The following ZNF562 variants were observed in gnomAD, a reference collection of about 807,000 sequenced individuals.
The protein encoded by ZNF562 is zinc finger protein 562.
In ZNF562, 13 loss-of-function variants were observed where a neutral mutation model predicts 17.5. The observed-to-expected ratio is 0.74, with a 90% CI of 0.48 to 1.18. The LOEUF is 1.18. Among genes scored for constraint, ZNF562 ranks in the 50% most tolerant of loss-of-function variants. ZNF562 has a pLI of 0.00. For synonymous variants in ZNF562, 163 were observed against 165.4 expected, an observed-to-expected ratio of 0.99 and a Z score of 0.11; for missense variants, 481 against 498.5, an observed-to-expected ratio of 0.96 and a Z score of 0.33.
chr19:9,674,330 AG>A (rs764195623), intron 1 of ZNF562, among the ~76,000 whole-genome samples: 3 of 152,176 alleles, frequency 2.0e-5, no homozygotes, highest in South Asian at 2.1e-4. Flanking sequence ...TGATCGAAAA[AG>A]GTTGCTTTAC....
chr19:9,664,362 G>C (rs1007899288), intron 1 of ZNF562, among the ~76,000 whole-genome samples: 1 of 152,108 alleles, frequency 6.6e-6, no homozygotes, highest in South Asian at 2.1e-4. Context: ...TTGTTTTAAC[G>C]TTCCTTAAAG....
In ZNF562 at chr19:9,645,916, A is replaced by G. The variant is rs2074802975; in HGVS notation, c.*7033T>C. 6.6e-6 allele frequency: 1 copy of G among 152,222 alleles called. No homozygotes were observed. Among genetic ancestry groups the G allele is most frequent in the Non-Finnish European group, 1.5e-5 (1 of 68,036 alleles). 9.4% of individuals were successfully genotyped at this position (152,222 alleles called of 1,614,324 possible). ...ATCAAGAATAAAATAAATTAAAGGT[A>G]TGATCAATACACATCAGTACAAAGA... On this transcript the variant is annotated 3_prime_UTR_variant, in exon 6 of 6. Coordinates refer to ENST00000453372, the MANE Select transcript of ZNF562 (RefSeq NM_001130031.2).
intron 2 of ZNF562, among the ~76,000 whole-genome samples, chr19:9,660,503 G>A (rs375671794): frequency 1.3e-5 from 2 of 151,990 alleles, no homozygotes; most frequent in East Asian, 3.9e-4. Flanking sequence ...TGACTCGGGT[G>A]GGTGAGGCAG....
Position 9,648,954 on chromosome 19 carries a change from T to C in ZNF562, c.*3995A>G, listed in dbSNP as rs577075204. On this transcript the variant is annotated 3_prime_UTR_variant, in exon 6 of 6. Transcript: ENST00000453372. Reference sequence around the variant, plus strand: ...TGAAATATTGGGAAATAATTCATCATGTAAAAACTGGATATAAAGAAAAAA... The same window carrying C: ...TGAAATATTGGGAAATAATTCATCACGTAAAAACTGGATATAAAGAAAAAA... 6.6e-6 allele frequency: 1 copy of C among 152,312 alleles called. No homozygotes were observed. The highest frequency in any genetic ancestry group is 1.9e-4 in the East Asian group (1 of 5,188). The allele number at this position is 152,312 out of a possible 1,614,324, so 9.4% of individuals were successfully genotyped here.
At chr19:9,661,648 A>G (rs1032775435) in intron 1 of ZNF562, among the ~76,000 whole-genome samples, 3 of 152,254 alleles carry the variant, frequency 2.0e-5, no homozygotes. Flanking sequence ...AGAAAAAATT[A>G]GCTGGGTGTG....
intron 1 of ZNF562, among the ~76,000 whole-genome samples, chr19:9,671,196 T>C (rs1452450858): frequency 6.6e-6 from 1 of 152,194 alleles, no homozygotes; most frequent in Non-Finnish European, 1.5e-5. Flanking sequence ...CTACTTACCC[T>C]GATTATGTGA....
chr19:9,669,721 C>CGCGA (rs1555699486), intron 1 of ZNF562, among the ~76,000 whole-genome samples: 4 of 86,050 alleles, frequency 4.6e-5, no homozygotes, highest in Non-Finnish European at 7.2e-5. Flanking sequence ...CGCGCGAGCG[C>CGCGA]GCGCGCGCGC....
intron 1 of ZNF562, among the ~76,000 whole-genome samples, chr19:9,664,560 T>C (rs1345125810): frequency 2.0e-5 from 3 of 152,236 alleles, no homozygotes; most frequent in African/African-American, 7.2e-5. Flanking sequence ...TGTTCCAACA[T>C]TATCTTGTAC....
Position 9,657,964 on chromosome 19 carries a change from T to C in ZNF562, c.241+45A>G, listed in dbSNP as rs371594599. The C allele has an allele frequency of 5.7e-5, 90 of 1,585,798 alleles. No individual in the cohort carries two copies. The Admixed American group carries it at 6.8e-4, about 12-fold the overall frequency. On this transcript the variant is annotated intron_variant, in intron 4 of 5. Transcript: ENST00000453372. ...CCTCAGCCTCCCAAGTATCTGGGAC[T>C]ACAGGTGCAGGCCACCATGCCAAGC...
At chr19:9,664,301 A>G (rs7250985) in intron 1 of ZNF562, among the ~76,000 whole-genome samples, 4,536 of 152,238 alleles carry the variant, frequency 0.03, 230 homozygotes, top group African/African-American at 0.1. Flanking sequence ...ACTCCTGACC[A>G]CGAGTGGTCC....
chr19:9,668,794 A>G (rs1185186302), intron 1 of ZNF562, among the ~76,000 whole-genome samples: 1 of 152,204 alleles, frequency 6.6e-6, no homozygotes, highest in Admixed American at 6.5e-5. Flanking sequence ...GGAAGAGAAC[A>G]AAGAACCTAA....
Position 9,661,118 on chromosome 19 carries a change from G to A in ZNF562, c.-130-244C>T, listed in dbSNP as rs115573484. ...ATTATCATAACCATCCTTCCCAACA[G>A]CTATCATTACCTATATGTATCTATG... On this transcript the variant is annotated intron_variant, in intron 1 of 5. Coordinates refer to ENST00000453372, the MANE Select transcript of ZNF562 (RefSeq NM_001130031.2). Among the ~76,000 whole-genome samples the A allele has an allele frequency of 8.3e-3, 1,265 of 152,168 alleles. 19 individuals are homozygous for A. Among genetic ancestry groups the A allele is most frequent in the African/African-American group, 0.029 (1,188 of 41,508 alleles).
At chr19:9,658,613 G>A (rs549495653) in intron 3 of ZNF562, among the ~76,000 whole-genome samples, 2 of 152,196 alleles carry the variant, frequency 1.3e-5, no homozygotes, top group East Asian at 3.9e-4. Flanking sequence ...GCCTCCCAAG[G>A]TGCTGGGATT....
intron 5 of ZNF562, among the ~76,000 whole-genome samples, chr19:9,655,128 T>G: frequency 6.6e-6 from 1 of 151,960 alleles, no homozygotes; most frequent in Non-Finnish European, 1.5e-5. Flanking sequence ...GGAGCCTGGA[T>G]TACAGGTGCA....
Position 9,642,299 on chromosome 19 carries a change from A to C in ZNF562, c.*10650T>G, listed in dbSNP as rs1042280932. 4 of 151,860 alleles carry C rather than the reference A, an allele frequency of 2.6e-5. No individual in the cohort carries two copies. The highest frequency in any genetic ancestry group is 9.7e-5 in the African/African-American group (4 of 41,302). 9.4% of individuals were successfully genotyped at this position (151,860 alleles called of 1,614,324 possible). On this transcript the variant is annotated 3_prime_UTR_variant, in exon 6 of 6. Transcript: ENST00000453372. The stretch of plus-strand genomic sequence containing the variant: ...TCTTTTTTTTCTTTAAAAAAAAAAA[A>C]AAAAACAGGGTTTCACTCTGTCACA...
chr19:9,654,560 C>A (rs939346204), intron 5 of ZNF562, among the ~76,000 whole-genome samples: 4 of 152,094 alleles, frequency 2.6e-5, no homozygotes, highest in Non-Finnish European at 5.9e-5. Context: ...CTCCTGGGTT[C>A]AAGCGGTTCT....
At chr19:9,672,556 T>C (rs2044234378) in intron 1 of ZNF562, among the ~76,000 whole-genome samples, 1 of 152,102 alleles carries the variant, frequency 6.6e-6, no homozygotes, top group African/African-American at 2.4e-5. Flanking sequence ...AAACTACACT[T>C]AGTCCAAACA....
chr19:9,653,069 A>T lies in ZNF562; in HGVS notation c.1161T>A (p.Leu387=). ...CGKAFNRSST[L]TQHRRIHTGE... The stretch of plus-strand genomic sequence containing the variant: ...CTGTGTGAATTCTTCTATGTTGAGT[A>T]AGCGTTGAAGATCTATTGAAGGCTT... The change falls in exon 6 of 6, where the codon CTT becomes CTA. Residue 387 remains leucine (L), a synonymous_variant. Coordinates refer to ENST00000453372, the MANE Select transcript of ZNF562 (RefSeq NM_001130031.2). 2 of 1,607,072 alleles carry T rather than the reference A, an allele frequency of 1.2e-6. No homozygotes were observed. The highest frequency in any genetic ancestry group is 1.7e-6 in the Non-Finnish European group (2 of 1,176,640).
At chr19:9,669,703 C>T (rs2044075303) in intron 1 of ZNF562, among the ~76,000 whole-genome samples, 1 of 113,792 alleles carries the variant, frequency 8.8e-6, no homozygotes. Context: ...GACCTGTCTG[C>T]ATGCACGCGC....
Sources: allele counts gnomAD v4.1 joint callset (sites outside exome capture counted in the v4.1 genomes callset), GRCh38; gene constraint gnomAD v4.1.1; transcripts MANE v1.5; gene names NCBI Gene and HGNC (gene_info 2026-07-23, HGNC 2026-07-21).